MLLT3: variants seen among roughly 807,000 people sequenced by gnomAD.
The protein encoded by MLLT3 is MLLT3 super elongation complex subunit.
In MLLT3, 4 loss-of-function variants were observed where a neutral mutation model predicts 53.2. The observed-to-expected ratio is 0.08, with a 90% confidence interval of 0.04 to 0.17. The LOEUF (loss-of-function observed/expected upper bound fraction) is 0.17, where lower values mean the gene tolerates loss of function less well. MLLT3 is among the 10% of genes least tolerant of loss of function. The pLI is 1.00. For missense variants in MLLT3, 569 were observed against 684.0 expected (o/e 0.83, Z 1.87); for synonymous variants, 283 against 230.6 (o/e 1.23, Z -2.06).
rs749813968 is a variant in MLLT3 at position 20,620,968 on chromosome 9, C to T, written c.13-134G>A. On this transcript the variant is annotated intron_variant, in intron 1 of 10. Transcript: ENST00000380338. The surrounding 1 kb of genome is among the most constrained non-coding windows in gnomAD (Gnocchi z 6.1). ...GAAACGGCGGTGCCCTCTGCATCCACGTTTCACGCGCGTGGGCGCGCACAC... is the reference window on the plus strand; with the variant it reads ...GAAACGGCGGTGCCCTCTGCATCCATGTTTCACGCGCGTGGGCGCGCACAC... 3.7e-6 allele frequency: 4 copies of T among 1,072,088 alleles called. No individual in the cohort carries two copies. Among genetic ancestry groups the T allele is most frequent in the African/African-American group, 3.1e-5 (2 of 63,994 alleles). The allele number at this position is 1,072,088 out of a possible 1,614,324, so 66.4% of individuals were successfully genotyped here.
intron 7 of MLLT3, 27 bp downstream of exon 7, chr9:20,363,449 C>T: frequency 6.2e-7 from 1 of 1,612,368 alleles, no homozygotes; most frequent in Non-Finnish European, 8.5e-7. Flanking sequence ...TCATCACAGG[C>T]AACCCCTTTC....
rs1554673228 is a variant in MLLT3, at chr9:20,342,834, G to GTGTATATATA, written c.*3608_*3609insTATATATACA. ...AAGATTACTCTGATAATATATATGT[G>GTGTATATATA]TATATATATATATATATGTATATAT... On this transcript the variant is annotated 3_prime_UTR_variant, in exon 11 of 11. Transcript: ENST00000380338. 6.5e-4 allele frequency: 109 copies of GTGTATATATA among 166,690 alleles called. 1 individual carries two copies. The highest frequency in any genetic ancestry group is 2.7e-3 in the South Asian group (13 of 4,790). The allele number at this position is 166,690 out of a possible 1,614,324, so 10.3% of individuals were successfully genotyped here.
chr9:20,602,761 TACACAC>T (rs3086486), intron 2 of MLLT3, among the ~76,000 whole-genome samples: 3,502 of 147,124 alleles, frequency 0.024, 54 homozygotes, highest in Middle Eastern at 0.044. Context: ...TTAAGTTTGA[TACACAC>T]ACACACACAC....
At chr9:20,393,479 T>C (rs1271436973) in intron 5 of MLLT3, among the ~76,000 whole-genome samples, 1 of 152,224 alleles carries the variant, frequency 6.6e-6, no homozygotes, top group Non-Finnish European at 1.5e-5. Context: ...GAACGCTATC[T>C]TTAACTGTAG....
intron 2 of MLLT3, among the ~76,000 whole-genome samples, chr9:20,461,006 C>T (rs1271968793): frequency 6.6e-6 from 1 of 152,108 alleles, no homozygotes; most frequent in African/African-American, 2.4e-5. Flanking sequence ...TATTCAACAG[C>T]CGTAAATAAC....
intron 2 of MLLT3, among the ~76,000 whole-genome samples, chr9:20,596,716 A>T (rs919560689): frequency 1.3e-5 from 2 of 152,176 alleles, no homozygotes; most frequent in African/African-American, 4.8e-5. Flanking sequence ...AAATAAAATA[A>T]AATAATAAGC....
intron 5 of MLLT3, among the ~76,000 whole-genome samples, chr9:20,375,767 C>T (rs770317888): frequency 2.0e-5 from 3 of 151,956 alleles, no homozygotes; most frequent in Non-Finnish European, 4.4e-5. Context: ...TGCCACCACG[C>T]CCGGCTAGGT....
rs186015609 is a variant in MLLT3, at chr9:20,518,326, A to T, written c.194-61540T>A. Among the ~76,000 whole-genome samples, 123 of 152,336 alleles carry T rather than the reference A, an allele frequency of 8.1e-4. 1 individual carries two copies. Among genetic ancestry groups the T allele is most frequent in the Admixed American group, 7.9e-3 (121 of 15,296 alleles). The stretch of plus-strand genomic sequence containing the variant: ...GCGCCATTGCACTCCAACCTGGGCA[A>T]GAGAGCAAAAACTCCGTCTCAAAAC... On this transcript the variant is annotated intron_variant, in intron 2 of 10. Transcript: ENST00000380338.
intron 5 of MLLT3, among the ~76,000 whole-genome samples, chr9:20,380,973 A>C (rs1821895062): frequency 6.6e-6 from 1 of 151,964 alleles, no homozygotes; most frequent in Admixed American, 6.6e-5. Flanking sequence ...GGGCTGAGCA[A>C]TGGCAGGAGG....
chr9:20,495,712 C>A (rs572800731), intron 2 of MLLT3, among the ~76,000 whole-genome samples: 1 of 152,038 alleles, frequency 6.6e-6, no homozygotes, highest in Non-Finnish European at 1.5e-5. Context: ...CTTTTTCAAG[C>A]CTAAGATGGG....
At chr9:20,566,020 ATATT>A (rs1260645759) in intron 2 of MLLT3, among the ~76,000 whole-genome samples, 57 of 127,948 alleles carry the variant, frequency 4.5e-4, no homozygotes, top group Non-Finnish European at 7.9e-4. Context: ...ATTTTTATAT[ATATT>A]TATTTATATT....
chr9:20,582,093 A>C (rs552431711), intron 2 of MLLT3, among the ~76,000 whole-genome samples: 5 of 152,350 alleles, frequency 3.3e-5, no homozygotes, highest in African/African-American at 1.2e-4. Context: ...TTTAGGTTTC[A>C]GAAAAATTAA....
intron 8 of MLLT3, among the ~76,000 whole-genome samples, chr9:20,358,647 G>C (rs1470743646): frequency 6.6e-6 from 1 of 152,142 alleles, no homozygotes; most frequent in East Asian, 1.9e-4. Flanking sequence ...AGGTTTGAAG[G>C]GCATGAAAGG....
At chr9:20,558,898 CAGAA>C (rs1249328596) in intron 2 of MLLT3, among the ~76,000 whole-genome samples, 1 of 152,238 alleles carries the variant, frequency 6.6e-6, no homozygotes, top group Non-Finnish European at 1.5e-5. Flanking sequence ...GCATTACAAA[CAGAA>C]AGGAAGGGGA....
chr9:20,591,752 T>C (rs1284384101), intron 2 of MLLT3, among the ~76,000 whole-genome samples: 1 of 152,200 alleles, frequency 6.6e-6, no homozygotes, highest in East Asian at 1.9e-4. Flanking sequence ...AGTGAATGTG[T>C]ATCAAAAAAA....
intron 2 of MLLT3, among the ~76,000 whole-genome samples, chr9:20,597,081 T>A (rs1317547031): frequency 2.0e-5 from 3 of 152,144 alleles, no homozygotes; most frequent in Non-Finnish European, 4.4e-5. Flanking sequence ...TTAATTTCAT[T>A]TTCAGATTGT....
intron 4 of MLLT3, among the ~76,000 whole-genome samples, chr9:20,444,266 T>C (rs1178171505): frequency 6.6e-6 from 1 of 152,180 alleles, no homozygotes; most frequent in Admixed American, 6.5e-5. Flanking sequence ...AAGTGATCAA[T>C]CAGTTCATTC....
intron 10 of MLLT3, among the ~76,000 whole-genome samples, chr9:20,349,493 G>A (rs1426933846): frequency 6.7e-6 from 1 of 150,234 alleles, no homozygotes; most frequent in Non-Finnish European, 1.5e-5. Context: ...AATGAGGCAA[G>A]AAAATGCAGA....
chr9:20,392,828 C>G (rs1431923483), intron 5 of MLLT3, among the ~76,000 whole-genome samples: 1 of 152,126 alleles, frequency 6.6e-6, no homozygotes, highest in East Asian at 1.9e-4. Flanking sequence ...GAGTACAAAT[C>G]CATCCATCTC....
Sources: allele counts gnomAD v4.1 joint callset (sites outside exome capture counted in the v4.1 genomes callset), GRCh38; gene constraint gnomAD v4.1.1; non-coding constraint Gnocchi (gnomAD v3.1); transcripts MANE v1.5; gene names NCBI Gene and HGNC (gene_info 2026-07-23, HGNC 2026-07-21).